NUP98: variants seen among roughly 807,000 people sequenced by gnomAD.
The protein encoded by NUP98 is nuclear pore complex protein Nup98-Nup96.
Under a neutral mutation model 191.9 loss-of-function variants are expected in NUP98, and 26 were observed. The ratio of observed to expected loss-of-function variants is 0.14; its 90% CI spans 0.10 to 0.19. The LOEUF (loss-of-function observed/expected upper bound fraction) is 0.19. Ranked by LOEUF, NUP98 falls within the 10% of genes least tolerant of loss-of-function variation. The probability of loss-of-function intolerance (pLI) is 1.00; values close to 1 mark genes in which losing one functional copy is unlikely to be tolerated. For missense variants in NUP98, 1,941 were observed against 2,178.8 expected (o/e 0.89, Z 2.17); for synonymous variants, 808 against 778.4 (o/e 1.04, Z -0.63).
At chr11:3,685,001 T>C (rs1939342332) in intron 29 of NUP98, among the ~76,000 whole-genome samples, 1 of 152,214 alleles carries the variant, frequency 6.6e-6, no homozygotes, top group East Asian at 1.9e-4. Flanking sequence ...ACTAGCTGTG[T>C]GACCTTGGAC....
chr11:3,786,776 G>A (rs2082154521), intron 1 of NUP98, among the ~76,000 whole-genome samples: 1 of 152,190 alleles, frequency 6.6e-6, no homozygotes. Context: ...AAAAGTAGTG[G>A]ATATCCTGAA....
Position 3,720,705 on chromosome 11 carries a change from C to T in NUP98, c.2260+7G>A. On this transcript the variant is annotated splice_region_variant and intron_variant, in intron 17 of 32. Coordinates refer to ENST00000324932, the MANE Select transcript of NUP98 (RefSeq NM_016320.5). The stretch of plus-strand genomic sequence containing the variant: ...GCTTAATCACTAAGTGCTAAACTCA[C>T]ACTTACCTTTCCGACCAATAGTGAA... 1 of 1,473,466 alleles carries T rather than the reference C, an allele frequency of 6.8e-7. No homozygotes were observed. The allele number at this position is 1,473,466 out of a possible 1,614,324, so 91.3% of individuals were successfully genotyped here.
chr11:3,753,805 G>A (rs1382990037), intron 10 of NUP98, among the ~76,000 whole-genome samples: 1 of 139,134 alleles, frequency 7.2e-6, no homozygotes, highest in Admixed American at 7.8e-5. Context: ...CAGGTATGAC[G>A]GTGCGTGCCT....
intron 15 of NUP98, 125 bp from the exon 16 acceptor site, chr11:3,723,580 T>C: frequency 1.4e-6 from 1 of 712,270 alleles, no homozygotes; most frequent in Non-Finnish European, 2.3e-6. Context: ...TATTAAAAAT[T>C]CACTTAATAC....
Position 3,695,433 on chromosome 11 carries a change from TA to T in NUP98, c.4167+15del. On this transcript the variant is annotated intron_variant, in intron 26 of 32. Transcript: ENST00000324932. Reference sequence around the variant, plus strand: ...AAAAAACCAATGTGAGATATTATGGTAAAAGTAGAAGATACCGGTTTTCCAG... The same window carrying T: ...AAAAAACCAATGTGAGATATTATGGTAAAGTAGAAGATACCGGTTTTCCAG... The T allele has an allele frequency of 1.3e-6, 2 of 1,515,178 alleles. No homozygotes were observed. Among genetic ancestry groups the T allele is most frequent in the Non-Finnish European group, 1.8e-6 (2 of 1,126,566 alleles). 93.9% of individuals were successfully genotyped at this position (1,515,178 alleles called of 1,614,324 possible).
chr11:3,691,405 T>A lies in NUP98; in HGVS notation c.4396A>T (p.Asn1466Tyr). 6.2e-7 allele frequency: 1 copy of A among 1,614,184 alleles called. No individual in the cohort carries two copies. Among genetic ancestry groups the A allele is most frequent in the Non-Finnish European group, 8.5e-7 (1 of 1,180,036 alleles). ...GSGCVIAEEQ[N>Y]SQTPLRDVCF... ...ACATCTCGAAGTGGTGTCTGTGAGT[T>A]TTGCTCCTCCGCTATCACACAGCCA... Residue 1466 changes from asparagine (N) to tyrosine (Y), a missense_variant, in exon 28 of 33, where the codon AAC becomes TAC. Physicochemically the swap from Asn to Tyr is moderately radical, Grantham distance 143. This residue lies in a region of NUP98 where 1,030 missense variants were observed against 1,115.8 expected (regional missense o/e 0.92). Transcript: ENST00000324932.
chr11:3,786,809 T>C (rs1204191386), intron 1 of NUP98, among the ~76,000 whole-genome samples: 2 of 152,236 alleles, frequency 1.3e-5, no homozygotes, highest in Non-Finnish European at 2.9e-5. Context: ...CGTTTACAAC[T>C]CCAGGCAACT....
At chr11:3,713,639 A>G (rs1030412785) in intron 19 of NUP98, among the ~76,000 whole-genome samples, 179 bp downstream of exon 19, 1 of 152,186 alleles carries the variant, frequency 6.6e-6, no homozygotes, top group Non-Finnish European at 1.5e-5. Flanking sequence ...GGATTGCTTG[A>G]GCCCAGGAAT....
intron 18 of NUP98, among the ~76,000 whole-genome samples, chr11:3,719,120 C>CAAA (rs770573619): frequency 1.9e-5 from 2 of 106,746 alleles, no homozygotes; most frequent in Non-Finnish European, 4.0e-5. Flanking sequence ...AACTCCATCT[C>CAAA]AAAAAAAAAA....
chr11:3,723,222 T>C lies in NUP98; in HGVS notation c.2081A>G (p.His694Arg), dbSNP rs144942373. 4.6e-5 allele frequency: 75 copies of C among 1,614,084 alleles called. No homozygotes were observed. Among genetic ancestry groups the C allele is most frequent in the Non-Finnish European group, 6.2e-5 (73 of 1,180,044 alleles). ...LEGSSEETSF[H>R]DESLQDDREE... ...TCGGTCATCCTGAAGTGACTCATCA[T>C]GAAAAGACGTTTCTTCACTGCTTCC... Residue 694 changes from histidine to arginine, a missense_variant, in exon 16 of 33, where the codon CAT (histidine) becomes CGT (arginine). By Grantham distance (29) the His-to-Arg change is conservative (BLOSUM62 0). Around this residue, in one of 6 missense-constraint regions of NUP98, gnomAD observed 453 missense variants for 438.2 expected, o/e 1.03. Coordinates refer to ENST00000324932, the MANE Select transcript of NUP98 (RefSeq NM_016320.5).
chr11:3,783,634 G>C (rs1276751089), intron 1 of NUP98, among the ~76,000 whole-genome samples: 1 of 152,194 alleles, frequency 6.6e-6, no homozygotes, highest in Admixed American at 6.6e-5. Context: ...GGGAGGCAGA[G>C]GTTGCAGTGA....
intron 16 of NUP98, among the ~76,000 whole-genome samples, chr11:3,722,150 T>A (rs1467660875): frequency 1.4e-5 from 2 of 147,796 alleles, no homozygotes; most frequent in African/African-American, 5.0e-5. Context: ...TCTTGGTCTG[T>A]CAACCCAGGC....
chr11:3,768,002 C>T (rs1246123574), intron 8 of NUP98, among the ~76,000 whole-genome samples: 1 of 152,048 alleles, frequency 6.6e-6, no homozygotes, highest in East Asian at 1.9e-4. Context: ...CCAAGTCCAG[C>T]CCACTAAGTA....
In NUP98 at chr11:3,717,027, G is replaced by A. The variant is rs1017919219; in HGVS notation, c.2399+2385C>T. ...AATATTAAGTTTTTTTCTTTGACACGTGGTCTCGCTTTGTCACACAGGCTG... is the reference window on the plus strand; with the variant it reads ...AATATTAAGTTTTTTTCTTTGACACATGGTCTCGCTTTGTCACACAGGCTG... On this transcript the variant is annotated intron_variant, in intron 18 of 32. Transcript: ENST00000324932. 5.3e-5 allele frequency among the ~76,000 whole-genome samples: 8 copies of A among 152,016 alleles called. No individual in the cohort carries two copies. In the South Asian group the frequency reaches 8.3e-4, roughly 16 times the overall value.
chr11:3,720,528 T>TA (rs982030584), intron 17 of NUP98, among the ~76,000 whole-genome samples, 184 bp downstream of exon 17: 6 of 151,828 alleles, frequency 4.0e-5, no homozygotes, highest in Admixed American at 1.3e-4. Flanking sequence ...TAAATAAAAA[T>TA]AAAAAAATTT....
chr11:3,789,818 T>C (rs1174707813), intron 1 of NUP98, among the ~76,000 whole-genome samples: 3 of 152,144 alleles, frequency 2.0e-5, no homozygotes, highest in Non-Finnish European at 4.4e-5. Context: ...TCTTGCTCTG[T>C]TGCCAGGCTG....
At position 3,700,760 on chromosome 11, in the gene NUP98, A is replaced by G; in HGVS notation, c.3592T>C (p.Tyr1198His). The change falls in exon 24 of 33, where the codon TAT becomes CAT. Residue 1198 changes from tyrosine (Y) to histidine (H), a missense_variant. By Grantham distance (83) the Tyr-to-His change is moderately conservative. Transcript: ENST00000324932. ...QRKPDEDMKL[Y>H]QTPLELKLKH... is the part of the protein sequence containing the mutation. The stretch of plus-strand genomic sequence containing the variant: ...AATTTGAGCTCCAGAGGTGTCTGAT[A>G]TAATTTCATGTCTTCATCTGGCTTT... 1.2e-6 allele frequency: 2 copies of G among 1,614,172 alleles called. No homozygotes were observed. Among genetic ancestry groups the G allele is most frequent in the Non-Finnish European group, 8.5e-7 (1 of 1,180,016 alleles).
chr11:3,709,229 G>T (rs914546788), intron 20 of NUP98, among the ~76,000 whole-genome samples: 1 of 152,076 alleles, frequency 6.6e-6, no homozygotes, highest in Non-Finnish European at 1.5e-5. Context: ...GTCTCAAAAA[G>T]AACTAGTTTT....
chr11:3,759,906 C>A (rs773476274), intron 10 of NUP98, among the ~76,000 whole-genome samples: 2 of 151,862 alleles, frequency 1.3e-5, no homozygotes, highest in Non-Finnish European at 2.9e-5. Flanking sequence ...TGGCAATTCA[C>A]AAGTGTGATC....
Sources: gnomAD v4.1 joint callset for allele counts (sites outside exome capture counted in the v4.1 genomes callset) on GRCh38, gnomAD v4.1.1 for gene constraint, gnomAD v4.1.1 regional missense constraint, MANE v1.5 for transcripts, NCBI Gene and HGNC (gene_info 2026-07-23, HGNC 2026-07-21) for gene names.